RMDN2: variants seen among roughly 807,000 people sequenced by gnomAD.
RMDN2 encodes regulator of microtubule dynamics 2, also known as regulator of microtubule dynamics protein 2.
Under a neutral mutation model 52.8 loss-of-function variants are expected in RMDN2, and 61 were observed. That is an observed-to-expected ratio of 1.16 (90% CI 0.94 to 1.43). RMDN2 has a LOEUF of 1.43. RMDN2 is among the 40% of genes most tolerant of loss of function. RMDN2 has a pLI of 0.00. For synonymous variants in RMDN2, 180 were observed against 153.1 expected, an observed-to-expected ratio of 1.18 and a Z score of -1.30; for missense variants, 592 against 475.3, an observed-to-expected ratio of 1.25 and a Z score of -2.28.
intron 3 of RMDN2, 96 bp downstream of exon 3, chr2:37,974,310 C>G (rs371232117): frequency 1.3e-5 from 10 of 771,540 alleles, no homozygotes; most frequent in East Asian, 1.3e-4. Flanking sequence ...GTCATGGTTC[C>G]CACATTTTGA....
At chr2:37,935,509 C>G (rs1002900845) in intron 2 of RMDN2, among the ~76,000 whole-genome samples, 1 of 152,158 alleles carries the variant, frequency 6.6e-6, no homozygotes, top group Non-Finnish European at 1.5e-5. Context: ...ATTTGCAAAA[C>G]AAAGTTGTTT....
intron 2 of RMDN2, among the ~76,000 whole-genome samples, chr2:37,966,589 A>C (rs1043454650): frequency 6.6e-6 from 1 of 151,502 alleles, no homozygotes; most frequent in African/African-American, 2.4e-5. Flanking sequence ...TTTAGGCTCT[A>C]TTTACTTTTT....
intron 2 of RMDN2, among the ~76,000 whole-genome samples, chr2:37,932,618 C>A (rs1666868032): frequency 6.6e-6 from 1 of 151,674 alleles, no homozygotes; most frequent in Non-Finnish European, 1.5e-5. Flanking sequence ...AGAGGGGCTC[C>A]TCACTTCCCA....
chr2:37,984,068 A>G (rs1018821021), intron 5 of RMDN2, among the ~76,000 whole-genome samples: 5 of 152,214 alleles, frequency 3.3e-5, no homozygotes, highest in African/African-American at 9.7e-5. Flanking sequence ...GTTTGAAACA[A>G]AAGATGTAAT....
In RMDN2 at chr2:37,941,097, G is replaced by C. The variant is rs571262522; in HGVS notation, c.452+11368G>C. On this transcript the variant is annotated intron_variant, in intron 2 of 10. Transcript: ENST00000354545. Reference sequence around the variant, plus strand: ...TTTTTGCGTGGTCTTCCTTTTTCTTGATGTTGATGCTGTTGCTTTCTCTTT... The same window carrying C: ...TTTTTGCGTGGTCTTCCTTTTTCTTCATGTTGATGCTGTTGCTTTCTCTTT... Among the ~76,000 whole-genome samples, 38 of 152,250 alleles carry C rather than the reference G, an allele frequency of 2.5e-4. No individual in the cohort carries two copies. In the South Asian group the frequency reaches 5.6e-3, roughly 22 times the overall value.
At chr2:38,029,312 C>G (rs1306657240) in intron 10 of RMDN2, 1 of 152,220 alleles carries the variant, frequency 6.6e-6, no homozygotes, top group African/African-American at 2.4e-5. Context: ...TTCCCCCATG[C>G]CCACTCATGG....
chr2:38,027,115 T>C (rs2373331), intron 10 of RMDN2: 20,240 of 152,220 alleles, frequency 0.13, 1,551 homozygotes, highest in Non-Finnish European at 0.17. Flanking sequence ...TAAAGGTGAC[T>C]TACATCAAGT....
chr2:37,981,003 T>C (rs1673240371), intron 4 of RMDN2, among the ~76,000 whole-genome samples: 1 of 152,346 alleles, frequency 6.6e-6, no homozygotes, highest in Admixed American at 6.5e-5. Context: ...TAAATGACGT[T>C]TCTTGCACTT....
At chr2:38,000,138 C>T (rs754414402) in intron 8 of RMDN2, among the ~76,000 whole-genome samples, 2 of 152,142 alleles carry the variant, frequency 1.3e-5, no homozygotes, top group Non-Finnish European at 2.9e-5. Flanking sequence ...GTGGTTTAGA[C>T]ACCTGTAGGA....
At chr2:37,929,009 G>C in intron 1 of RMDN2, 1 of 246,338 alleles carries the variant, frequency 4.1e-6, no homozygotes, top group South Asian at 8.7e-5. Flanking sequence ...TTTTTTGTTT[G>C]TTTGTTTTTT....
upstream of RMDN2, among the ~76,000 whole-genome samples, chr2:37,924,406 C>A (rs182615472): frequency 8.2e-3 from 1,256 of 152,374 alleles, 15 homozygotes; most frequent in Non-Finnish European, 0.012. Flanking sequence ...CGCTCTATCA[C>A]CCAGGCTGGA....
At chr2:37,950,560 AC>A (rs771305272) in intron 2 of RMDN2, 115 of 1,613,072 alleles carry the variant, frequency 7.1e-5, no homozygotes, top group Non-Finnish European at 4.6e-5. Context: ...GGAGAGACTT[AC>A]TTTGGATTAA....
At chr2:37,997,570 C>T (rs766279161) in intron 8 of RMDN2, 56 bp downstream of exon 8, 3 of 1,096,586 alleles carry the variant, frequency 2.7e-6, no homozygotes, top group Admixed American at 1.8e-5. Flanking sequence ...CTGCACCAAT[C>T]CCTGCTGCCG....
At chr2:37,942,869 G>A (rs569713219) in intron 2 of RMDN2, among the ~76,000 whole-genome samples, 73 of 152,188 alleles carry the variant, frequency 4.8e-4, no homozygotes, top group South Asian at 1.9e-3. Flanking sequence ...TTTTTTAAAA[G>A]AAAATCTAGC....
intron 10 of RMDN2, among the ~76,000 whole-genome samples, chr2:38,043,894 A>C (rs1479723243): frequency 6.6e-6 from 1 of 152,062 alleles, no homozygotes; most frequent in East Asian, 1.9e-4. Flanking sequence ...TCTATTAGAT[A>C]ATTAAGAATA....
At chr2:38,006,468 T>A (rs1573050947) in intron 10 of RMDN2, among the ~76,000 whole-genome samples, 4 of 152,346 alleles carry the variant, frequency 2.6e-5, no homozygotes, top group African/African-American at 9.6e-5. Context: ...TTGAAGCAAT[T>A]GTGAATGGGA....
At chr2:37,940,237 G>C (rs1332426092) in intron 2 of RMDN2, among the ~76,000 whole-genome samples, 1 of 152,180 alleles carries the variant, frequency 6.6e-6, no homozygotes, top group Non-Finnish European at 1.5e-5. Context: ...TGTAGAGTTT[G>C]TGCAGAGAGA....
intron 10 of RMDN2, among the ~76,000 whole-genome samples, chr2:38,058,380 G>C (rs982838201): frequency 6.6e-6 from 1 of 152,234 alleles, no homozygotes. Context: ...CAGCATGAGG[G>C]GAAGACCCTC....
intron 2 of RMDN2, among the ~76,000 whole-genome samples, chr2:37,971,846 A>G (rs1030290606): frequency 2.6e-5 from 4 of 152,142 alleles, no homozygotes; most frequent in African/African-American, 9.7e-5. Context: ...GCTTTTTCAT[A>G]TAACTTTTAG....
Sources: gnomAD v4.1 joint callset for allele counts (sites outside exome capture counted in the v4.1 genomes callset) on GRCh38, gnomAD v4.1.1 for gene constraint, MANE v1.5 for transcripts, NCBI Gene and HGNC (gene_info 2026-07-23, HGNC 2026-07-21) for gene names.